MINDY4B: variants seen among roughly 807,000 people sequenced by gnomAD.
The protein encoded by MINDY4B is inactive ubiquitin carboxyl-terminal hydrolase MINDY-4B.
A neutral mutation model predicts 16.7 loss-of-function variants in MINDY4B; 25 were observed. The ratio of observed to expected loss-of-function variants is 1.49; its 90% CI spans 1.09 to 2.09. The LOEUF is 2.09. Ranked by LOEUF, MINDY4B falls within the 30% of genes most tolerant of loss-of-function variation. The probability of loss-of-function intolerance (pLI) is 0.00; values close to 1 mark genes in which losing one functional copy is unlikely to be tolerated. For missense variants in MINDY4B, 327 were observed against 168.4 expected (o/e 1.94, Z -5.21); for synonymous variants, 132 against 61.9 (o/e 2.13, Z -5.32).
chr3:150,874,594 A>C (rs1717049788), intron 10 of MINDY4B, among the ~76,000 whole-genome samples: 1 of 152,210 alleles, frequency 6.6e-6, no homozygotes, highest in African/African-American at 2.4e-5. Context: ...CGCCAAGGAG[A>C]ATTCCTGGGC....
intron 7 of MINDY4B, among the ~76,000 whole-genome samples, chr3:150,887,233 T>A (rs986988745): frequency 6.6e-6 from 1 of 152,184 alleles, no homozygotes; most frequent in African/African-American, 2.4e-5. Flanking sequence ...GCGTCTACAG[T>A]GTGGATCCAC....
chr3:150,876,121 G>C (rs570516459), intron 10 of MINDY4B, among the ~76,000 whole-genome samples: 1 of 152,184 alleles, frequency 6.6e-6, no homozygotes, highest in Non-Finnish European at 1.5e-5. Flanking sequence ...TGATACAGTG[G>C]TGCTATAAAT....
At position 150,885,506 on chromosome 3, in the gene MINDY4B, G is replaced by T. The variant is rs1033172146; in HGVS notation, c.754-68C>A. ...CACAGACACGTGTATCTGTGGGTATGAATTCAAGGATTTACAGGCTGAGAG... is the reference window on the plus strand; with the variant it reads ...CACAGACACGTGTATCTGTGGGTATTAATTCAAGGATTTACAGGCTGAGAG... On this transcript the variant is annotated intron_variant, in intron 7 of 11. Transcript: ENST00000465419. The T allele has an allele frequency of 2.9e-5, 20 of 689,866 alleles. No homozygotes were observed. In the Admixed American group the frequency reaches 3.2e-4, roughly 11 times the overall value. 42.7% of individuals were successfully genotyped at this position (689,866 alleles called of 1,614,324 possible).
rs60659488 is a variant in MINDY4B at position 150,880,305 on chromosome 3, C to CTGTGTGTGTG, written c.1059+2582_1059+2591dup. Among the ~76,000 whole-genome samples, 1,233 of 149,868 alleles carry CTGTGTGTGTG rather than the reference C, an allele frequency of 8.2e-3. 19 individuals carry two copies. The highest frequency in any genetic ancestry group is 0.028 in the African/African-American group (1,160 of 40,804). ...CCTCACCTTTATGCCAGGTTCCCATCTGTGTGTGTGTGTGTGTGTGTGTGT... is the reference window on the plus strand; with the variant it reads ...CCTCACCTTTATGCCAGGTTCCCATCTGTGTGTGTGTGTGTGTGTGTGTGTGTGTGTGTGT... On this transcript the variant is annotated intron_variant, in intron 10 of 11. Coordinates refer to ENST00000465419, the MANE Select transcript of MINDY4B (RefSeq NM_001351281.2).
At chr3:150,897,639 C>T (rs1021066174) in intron 3 of MINDY4B, among the ~76,000 whole-genome samples, 8 of 152,172 alleles carry the variant, frequency 5.3e-5, no homozygotes, top group African/African-American at 1.9e-4. Context: ...GCCCAGGGGC[C>T]GGTTTAAGGT....
chr3:150,905,033 A>T, intron 2 of MINDY4B, 29 bp downstream of exon 2: 1 of 398,496 alleles, frequency 2.5e-6, no homozygotes, highest in Non-Finnish European at 4.4e-6. Flanking sequence ...ACTAAAGGAG[A>T]ACACACTGGC....
chr3:150,872,574 T>C (rs79993543), intron 11 of MINDY4B, among the ~76,000 whole-genome samples: 2,194 of 152,322 alleles, frequency 0.014, 57 homozygotes, highest in African/African-American at 0.049. Flanking sequence ...CTTCTCCTGT[T>C]GGATTTGAAC....
At chr3:150,887,186 T>A (rs1031597401) in intron 7 of MINDY4B, among the ~76,000 whole-genome samples, 1 of 152,176 alleles carries the variant, frequency 6.6e-6, no homozygotes, top group East Asian at 1.9e-4. Flanking sequence ...GACTGTCTGA[T>A]AACAGAGAAG....
At position 150,870,900 on chromosome 3, in the gene MINDY4B, G is replaced by GA. The variant is rs1716950450; in HGVS notation, c.*144dup. 4 of 549,550 alleles carry GA rather than the reference G, an allele frequency of 7.3e-6. No individual in the cohort carries two copies. Among genetic ancestry groups the GA allele is most frequent in the African/African-American group, 1.9e-5 (1 of 52,820 alleles). 34.0% of individuals were successfully genotyped at this position (549,550 alleles called of 1,614,324 possible). ...GGGATTTACCAGAGACTTAAAAAATGAAAAAACTGCTAATGGTATATATAT... is the reference window on the plus strand; with the variant it reads ...GGGATTTACCAGAGACTTAAAAAATGAAAAAAACTGCTAATGGTATATATAT... On this transcript the variant is annotated 3_prime_UTR_variant, in exon 12 of 12. Transcript: ENST00000465419.
intron 3 of MINDY4B, among the ~76,000 whole-genome samples, chr3:150,902,143 T>C (rs938594276): frequency 6.6e-6 from 1 of 152,180 alleles, no homozygotes; most frequent in African/African-American, 2.4e-5. Flanking sequence ...AGCTGGGATC[T>C]TGTGTGCAGT....
In MINDY4B at chr3:150,903,067, A is replaced by T. The variant is rs113584753; in HGVS notation, c.309+182T>A. The stretch of plus-strand genomic sequence containing the variant: ...TTTGGGAGGAAAGGGCTGTACTGCC[A>T]CAAGTGTCCTTGAAGAATACCATAA... On this transcript the variant is annotated intron_variant, in intron 3 of 11. Coordinates refer to ENST00000465419, the MANE Select transcript of MINDY4B (RefSeq NM_001351281.2). Among the ~76,000 whole-genome samples, 542 of 152,350 alleles carry T rather than the reference A, an allele frequency of 3.6e-3. 3 individuals are homozygous for T. The highest frequency in any genetic ancestry group is 0.012 in the African/African-American group (516 of 41,580).
chr3:150,871,221 C>G (rs1165488966), intron 11 of MINDY4B, 34 bp from the exon 12 acceptor site: 10 of 697,188 alleles, frequency 1.4e-5, no homozygotes, highest in Middle Eastern at 4.6e-4. Flanking sequence ...TAGACCCAAG[C>G]CTATGAACAC....
At position 150,871,140 on chromosome 3, in the gene MINDY4B, C is replaced by T; in HGVS notation, c.1288G>A (p.Gly430Arg). The T allele has an allele frequency of 1.4e-6, 1 of 702,816 alleles. No homozygotes were observed. Among genetic ancestry groups the T allele is most frequent in the Non-Finnish European group, 2.6e-6 (1 of 384,840 alleles). The allele number at this position is 702,816 out of a possible 1,614,324, so 43.5% of individuals were successfully genotyped here. A position where few individuals can be genotyped will look rare whatever the true frequency, so the allele number is the denominator to read the frequency against. ...WERDQQEEKH[G>R]PRRRFSPVEM... ...ACTGGTGAAAACCGTCGTCTTGGTC[C>T]ATGTTTCTCTTCCTGTTGGTCTCTT... The change falls in exon 12 of 12, where the codon GGA (glycine) becomes AGA (arginine). Residue 430 changes from glycine to arginine, a missense_variant. Gly to Arg is a moderately radical substitution (Grantham distance 125, BLOSUM62 -2). Coordinates refer to ENST00000465419, the MANE Select transcript of MINDY4B (RefSeq NM_001351281.2).
chr3:150,879,625 TG>T (rs1467804346), intron 10 of MINDY4B, among the ~76,000 whole-genome samples: 1 of 152,192 alleles, frequency 6.6e-6, no homozygotes, highest in Non-Finnish European at 1.5e-5. Context: ...AATGAAAATG[TG>T]GGGGCCCTCG....
Position 150,883,066 on chromosome 3 carries a change from G to A in MINDY4B, c.898-8C>T. The A allele has an allele frequency of 1.5e-6, 1 of 683,260 alleles. No individual in the cohort carries two copies. Among genetic ancestry groups the A allele is most frequent in the Non-Finnish European group, 2.7e-6 (1 of 375,054 alleles). The allele number at this position is 683,260 out of a possible 1,614,324, so 42.3% of individuals were successfully genotyped here. ...AATCATGTTCAGAACTGCCTAGAGA[G>A]CATATTTTACAGATACTTATATTTT... On this transcript the variant is annotated splice_polypyrimidine_tract_variant and splice_region_variant and intron_variant, in intron 9 of 11. Coordinates refer to ENST00000465419, the MANE Select transcript of MINDY4B (RefSeq NM_001351281.2).
chr3:150,873,973 T>G, intron 10 of MINDY4B, among the ~76,000 whole-genome samples: 1 of 152,132 alleles, frequency 6.6e-6, no homozygotes, highest in East Asian at 1.9e-4. Context: ...TATCGGTTTT[T>G]TTCTAAGTAC....
rs1217234887 is a variant in MINDY4B, at chr3:150,871,090, C to T, written c.1338G>A (p.Trp446Ter). ...CATTCCAGTTGATGGTGGCCTCGCTCCACTTGGTTCTGATTGCCATCTCCA... is the reference window on the plus strand; with the variant it reads ...CATTCCAGTTGATGGTGGCCTCGCTTCACTTGGTTCTGATTGCCATCTCCA... ...SPVEMAIRTK[W>*]SEATINWNGT... is the part of the protein sequence containing the mutation. Residue 446 changes from tryptophan (W) to a stop codon, truncating the protein, a stop_gained, in exon 12 of 12, where the codon TGG (tryptophan) becomes TGA (stop). Coordinates refer to ENST00000465419, the MANE Select transcript of MINDY4B (RefSeq NM_001351281.2). LOFTEE classifies it high-confidence loss of function. The T allele has an allele frequency of 1.4e-5, 10 of 702,748 alleles. No homozygotes were observed. The highest frequency in any genetic ancestry group is 2.6e-5 in the Non-Finnish European group (10 of 384,868). The allele number at this position is 702,748 out of a possible 1,614,324, so 43.5% of individuals were successfully genotyped here.
intron 4 of MINDY4B, 30 bp downstream of exon 4, chr3:150,894,156 G>GTTTTTTAA (rs1225198931): frequency 8.9e-6 from 6 of 670,522 alleles, no homozygotes; most frequent in Non-Finnish European, 1.6e-5. Flanking sequence ...TGGGAATAAG[G>GTTTTTTAA]TTTTTTAAAA....
chr3:150,895,306 C>A (rs969088576), intron 3 of MINDY4B, among the ~76,000 whole-genome samples: 4 of 152,168 alleles, frequency 2.6e-5, no homozygotes, highest in African/African-American at 7.2e-5. Flanking sequence ...TGATTTCTAT[C>A]ATTTTTGTAT....
Sources: allele counts gnomAD v4.1 joint callset (sites outside exome capture counted in the v4.1 genomes callset), GRCh38; gene constraint gnomAD v4.1.1; transcripts MANE v1.5; gene names NCBI Gene and HGNC (gene_info 2026-07-23, HGNC 2026-07-21).